Variants in ANXA6 observed in about 807,000 individuals in gnomAD.
ANXA6 encodes annexin A6.
ANXA6 carries 71 observed loss-of-function variants against 95.4 expected under a neutral mutation model. The observed-to-expected ratio is 0.74, with a 90% confidence interval of 0.61 to 0.91. The LOEUF (loss-of-function observed/expected upper bound fraction) is 0.91. ANXA6 is among the 40% of genes least tolerant of loss of function. The pLI is 0.00. For missense variants in ANXA6, 830 were observed against 876.4 expected (o/e 0.95, Z 0.67); for synonymous variants, 289 against 315.9 (o/e 0.91, Z 0.90).
chr5:151,104,422 C>T (rs1446352726), intron 24 of ANXA6, among the ~76,000 whole-genome samples: 1 of 152,228 alleles, frequency 6.6e-6, no homozygotes, highest in Non-Finnish European at 1.5e-5. Flanking sequence ...AGGTTCGAGT[C>T]CCAGCTCTGC....
chr5:151,134,632 GTA>G, intron 7 of ANXA6, 149 bp from the exon 8 acceptor site: 1 of 789,816 alleles, frequency 1.3e-6, no homozygotes, highest in Non-Finnish European at 2.2e-6. Flanking sequence ...GAAGACCACA[GTA>G]TCTATTTTGT....
intron 2 of ANXA6, among the ~76,000 whole-genome samples, chr5:151,145,704 T>C (rs1344336584): frequency 6.6e-6 from 1 of 152,176 alleles, no homozygotes; most frequent in Non-Finnish European, 1.5e-5. Flanking sequence ...AGCTAATAAC[T>C]GGAAGGAACA....
intron 6 of ANXA6, 54 bp downstream of exon 6, chr5:151,137,177 A>G (rs1345596983): frequency 1.4e-6 from 2 of 1,473,692 alleles, no homozygotes; most frequent in African/African-American, 1.4e-5. Context: ...CACTGTTGCA[A>G]TCATCCTCAT....
At position 151,137,211 on chromosome 5, in the gene ANXA6, G is replaced by A. The variant is rs1765688759; in HGVS notation, c.409+20C>T. 3.1e-6 allele frequency: 5 copies of A among 1,606,232 alleles called. No homozygotes were observed. The highest frequency in any genetic ancestry group is 2.7e-5 in the African/African-American group (2 of 74,902). ...ATTTTGTATCTGAAGATCCTAAGCG[G>A]CCCCTCCTGCCCATCTCACCATCTT... is the stretch of plus-strand genomic sequence containing the variant. On this transcript the variant is annotated intron_variant, in intron 6 of 25. Coordinates refer to ENST00000354546, the MANE Select transcript of ANXA6 (RefSeq NM_001155.5).
chr5:151,147,671 TTTC>T (rs1205866601), intron 2 of ANXA6, among the ~76,000 whole-genome samples: 15 of 152,330 alleles, frequency 9.8e-5, no homozygotes, highest in Middle Eastern at 3.4e-3. Context: ...TACACATCCT[TTTC>T]TGCTTAGGAT....
At chr5:151,132,185 A>G (rs1326566749) in intron 10 of ANXA6, among the ~76,000 whole-genome samples, 1 of 152,136 alleles carries the variant, frequency 6.6e-6, no homozygotes, top group African/African-American at 2.4e-5. Flanking sequence ...GCTCAACAAA[A>G]GTCAACTATT....
At chr5:151,143,853 G>GT in intron 2 of ANXA6, among the ~76,000 whole-genome samples, 1 of 152,222 alleles carries the variant, frequency 6.6e-6, no homozygotes, top group Non-Finnish European at 1.5e-5. Flanking sequence ...TCTAAGCTGA[G>GT]TCCTGAGGGA....
rs182051915 is a variant in ANXA6, at chr5:151,125,159, T to C, written c.1057-792A>G. Among the ~76,000 whole-genome samples, 309 of 152,192 alleles carry C rather than the reference T, an allele frequency of 2.0e-3. 6 individuals carry two copies. Among genetic ancestry groups the C allele is most frequent in the Admixed American group, 0.018 (279 of 15,290 alleles). On this transcript the variant is annotated intron_variant, in intron 14 of 25. Transcript: ENST00000354546. Reference sequence around the variant, plus strand: ...ATCGCTTGAGCCCATTGGTTCAAGATGAGCCCAGGCAACATGGTGAAACCC... The same window carrying C: ...ATCGCTTGAGCCCATTGGTTCAAGACGAGCCCAGGCAACATGGTGAAACCC...
intron 23 of ANXA6, among the ~76,000 whole-genome samples, 173 bp downstream of exon 23, chr5:151,108,282 C>T (rs564809702): frequency 6.6e-6 from 1 of 152,296 alleles, no homozygotes; most frequent in African/African-American, 2.4e-5. Flanking sequence ...CAGCCTCGCA[C>T]AGACCTCATG....
rs538740518 is a variant in ANXA6 at position 151,123,033 on chromosome 5, C to T, written c.1139-22G>A. Reference sequence around the variant, plus strand: ...GTCCCTGAGTCACCAAAGCCACATGCCTCAGAAGAAGGCCTGTGGCTCTCG... The same window carrying T: ...GTCCCTGAGTCACCAAAGCCACATGTCTCAGAAGAAGGCCTGTGGCTCTCG... On this transcript the variant is annotated intron_variant, in intron 15 of 25. Coordinates refer to ENST00000354546, the MANE Select transcript of ANXA6 (RefSeq NM_001155.5). 38 of 1,606,428 alleles carry T rather than the reference C, an allele frequency of 2.4e-5. No homozygotes were observed. In the East Asian group the frequency reaches 7.4e-4, roughly 31 times the overall value.
At chr5:151,112,644 T>A (rs867289444) in intron 20 of ANXA6, among the ~76,000 whole-genome samples, 1 of 152,106 alleles carries the variant, frequency 6.6e-6, no homozygotes, top group Non-Finnish European at 1.5e-5. Flanking sequence ...CCAGCCGGGA[T>A]AACGTGGAGA....
At chr5:151,105,592 C>G (rs745921238) in intron 23 of ANXA6, among the ~76,000 whole-genome samples, 4 of 152,176 alleles carry the variant, frequency 2.6e-5, no homozygotes, top group Admixed American at 6.5e-5. Context: ...CCTCATGAAC[C>G]CAAGGCACGG....
At position 151,147,910 on chromosome 5, in the gene ANXA6, G is replaced by T; in HGVS notation, c.-9C>A. On this transcript the variant is annotated 5_prime_UTR_variant, in exon 2 of 26. Coordinates refer to ENST00000354546, the MANE Select transcript of ANXA6 (RefSeq NM_001155.5). ...TGTGCTGGTTTGGCCATGGTCTCCG[G>T]TTCGCAGCAGAATCCACTGTAGAGA... is the stretch of plus-strand genomic sequence containing the variant. 5 of 1,604,906 alleles carry T rather than the reference G, an allele frequency of 3.1e-6. No homozygotes were observed. The highest frequency in any genetic ancestry group is 4.3e-6 in the Non-Finnish European group (5 of 1,175,508).
intron 20 of ANXA6, 90 bp from the exon 21 acceptor site, chr5:151,110,734 G>T: frequency 6.9e-7 from 1 of 1,450,780 alleles, no homozygotes; most frequent in Non-Finnish European, 9.6e-7. Context: ...CTGGGGTGCA[G>T]GGTGAGGGGC....
chr5:151,118,868 G>A (rs534031139), intron 18 of ANXA6, among the ~76,000 whole-genome samples: 12 of 152,226 alleles, frequency 7.9e-5, no homozygotes, highest in African/African-American at 2.6e-4. Context: ...GCACCTAGCC[G>A]ATTTAAACAT....
Position 151,129,433 on chromosome 5 carries a change from C to T in ANXA6, c.892G>A (p.Glu298Lys). The stretch of plus-strand genomic sequence containing the variant: ...TTGATCATGCTGTAGAGGGACTTCT[C>T]ATACTTGGTCCGGAAGATCTCCCGA... ...DIREIFRTKY[E>K]KSLYSMIKND... Residue 298 changes from glutamate (E) to lysine (K), a missense_variant, in exon 12 of 26, where the codon GAG becomes AAG. Transcript: ENST00000354546. 1 of 1,613,530 alleles carries T rather than the reference C, an allele frequency of 6.2e-7. No homozygotes were observed.
chr5:151,136,549 C>CTATACCATG (rs1210085109), intron 6 of ANXA6, among the ~76,000 whole-genome samples: 3 of 152,220 alleles, frequency 2.0e-5, no homozygotes, highest in Admixed American at 6.5e-5. Flanking sequence ...TCTAGCCCAC[C>CTATACCATG]TATACCATGA....
Position 151,101,330 on chromosome 5 carries a change from ACCCCTC to A in ANXA6, c.*112_*117del. On this transcript the variant is annotated 3_prime_UTR_variant, in exon 26 of 26. Transcript: ENST00000354546. The stretch of plus-strand genomic sequence containing the variant: ...CCACTGAAGATAAGAGCCCAACCCA[ACCCCTC>A]CCCCCACCCCTGCCCCTTCCTTAGT... 1 of 385,870 alleles carries A rather than the reference ACCCCTC, an allele frequency of 2.6e-6. No homozygotes were observed. Among genetic ancestry groups the A allele is most frequent in the Admixed American group, 3.6e-5 (1 of 27,982 alleles). 23.9% of individuals were successfully genotyped at this position (385,870 alleles called of 1,614,324 possible). A position where few individuals can be genotyped will look rare whatever the true frequency, so the allele number is the denominator to read the frequency against.
At chr5:151,103,079 C>T (rs1157900650) in intron 25 of ANXA6, among the ~76,000 whole-genome samples, 4 of 152,150 alleles carry the variant, frequency 2.6e-5, no homozygotes, top group Non-Finnish European at 5.9e-5. Context: ...TCACTGCAAC[C>T]TCTACCTCCT....
Sources: allele counts gnomAD v4.1 joint callset (sites outside exome capture counted in the v4.1 genomes callset), GRCh38; gene constraint gnomAD v4.1.1; transcripts MANE v1.5; gene names NCBI Gene and HGNC (gene_info 2026-07-23, HGNC 2026-07-21).